FBXL4: variants seen among roughly 807,000 people sequenced by gnomAD.
The protein encoded by FBXL4 is F-box/LRR-repeat protein 4.
FBXL4 carries 40 observed loss-of-function variants against 58.9 expected under a neutral mutation model. The observed-to-expected ratio is 0.68, with a 90% CI of 0.53 to 0.88. The LOEUF is 0.88. Ranked by LOEUF, FBXL4 falls within the 40% of genes least tolerant of loss-of-function variation. The probability of loss-of-function intolerance (pLI) is 0.00; values close to 1 mark genes in which losing one functional copy is unlikely to be tolerated. For missense variants in FBXL4, 676 were observed against 734.4 expected (o/e 0.92, Z 0.92); for synonymous variants, 263 against 265.5 (o/e 0.99, Z 0.09).
In FBXL4 at chr6:98,935,555, C is replaced by T. The variant is rs1324975289; in HGVS notation, c.-308-676G>A. 2.0e-5 allele frequency among the ~76,000 whole-genome samples: 3 copies of T among 150,440 alleles called. No individual in the cohort carries two copies. In the East Asian group the frequency reaches 5.8e-4, roughly 29 times the overall value. Reference sequence around the variant, plus strand: ...CTGTAATCCCAGCACTTTGGGAGGCCGAGGCGGGTGGATCATGAGGTCAGG... The same window carrying T: ...CTGTAATCCCAGCACTTTGGGAGGCTGAGGCGGGTGGATCATGAGGTCAGG... On this transcript the variant is annotated intron_variant, in intron 1 of 9. Coordinates refer to ENST00000369244, the MANE Select transcript of FBXL4 (RefSeq NM_001278716.2).
Position 98,905,391 on chromosome 6 carries a change from G to C in FBXL4, c.1103+35C>G, listed in dbSNP as rs559360649. 2.4e-5 allele frequency: 39 copies of C among 1,604,592 alleles called. No homozygotes were observed. In the East Asian group the frequency reaches 2.5e-4, roughly 10 times the overall value. ...CATAATAAGTATAACCTGCTGCTGG[G>C]GGGGAAAAAAACTTCATCAAGGCTT... On this transcript the variant is annotated intron_variant, in intron 6 of 9. Coordinates refer to ENST00000369244, the MANE Select transcript of FBXL4 (RefSeq NM_001278716.2).
At chr6:98,902,228 T>C (rs1294598800) in intron 6 of FBXL4, among the ~76,000 whole-genome samples, 1 of 152,174 alleles carries the variant, frequency 6.6e-6, no homozygotes, top group Non-Finnish European at 1.5e-5. Context: ...TCTCATGTTT[T>C]TTTAGCTGAC....
At chr6:98,943,321 C>T (rs1344976855) in intron 1 of FBXL4, among the ~76,000 whole-genome samples, 1 of 151,592 alleles carries the variant, frequency 6.6e-6, no homozygotes. Context: ...ACCTGTAACC[C>T]CAGCACGTTG....
At chr6:98,929,848 T>C (rs1394144440) in intron 2 of FBXL4, among the ~76,000 whole-genome samples, 1 of 152,112 alleles carries the variant, frequency 6.6e-6, no homozygotes, top group Admixed American at 6.6e-5. Flanking sequence ...CAAGTAGGCA[T>C]GACATCAACT....
At chr6:98,899,092 T>A in intron 7 of FBXL4, 176 bp downstream of exon 7, 3 of 985,290 alleles carry the variant, frequency 3.0e-6, no homozygotes, top group Non-Finnish European at 3.6e-6. Context: ...TAAAAGCATA[T>A]TAGGTTTGAA....
intron 5 of FBXL4, among the ~76,000 whole-genome samples, chr6:98,915,496 A>G (rs1178080624): frequency 6.6e-6 from 1 of 151,572 alleles, no homozygotes; most frequent in Non-Finnish European, 1.5e-5. Context: ...AACAGAACAG[A>G]GCCCTCAGAA....
At chr6:98,900,793 C>T (rs937368483) in intron 6 of FBXL4, among the ~76,000 whole-genome samples, 1 of 152,142 alleles carries the variant, frequency 6.6e-6, no homozygotes, top group Non-Finnish European at 1.5e-5. Context: ...CGTGAACACC[C>T]GTTTATTCTA....
chr6:98,907,534 T>C (rs1347649568), intron 5 of FBXL4, among the ~76,000 whole-genome samples: 2 of 152,222 alleles, frequency 1.3e-5, no homozygotes, highest in African/African-American at 2.4e-5. Context: ...CTTCTTGAAC[T>C]AGTCCAAGGT....
chr6:98,922,900 G>A (rs957224504), intron 4 of FBXL4, among the ~76,000 whole-genome samples: 1 of 152,072 alleles, frequency 6.6e-6, no homozygotes, highest in African/African-American at 2.4e-5. Context: ...TTTTTATGAT[G>A]ATTATTATGT....
At chr6:98,901,483 T>C (rs995372652) in intron 6 of FBXL4, among the ~76,000 whole-genome samples, 6 of 152,114 alleles carry the variant, frequency 3.9e-5, no homozygotes, top group African/African-American at 1.2e-4. Flanking sequence ...TAGGAGACAA[T>C]AGGAAACTTC....
At chr6:98,886,694 G>A (rs1771050895) in intron 7 of FBXL4, among the ~76,000 whole-genome samples, 1 of 152,214 alleles carries the variant, frequency 6.6e-6, no homozygotes, top group Non-Finnish European at 1.5e-5. Context: ...CTGCTCTGCA[G>A]TGGCACTGCG....
chr6:98,917,697 T>C lies in FBXL4; in HGVS notation c.535A>G (p.Arg179Gly), dbSNP rs1330363712. The C allele has an allele frequency of 6.2e-7, 1 of 1,601,964 alleles. No individual in the cohort carries two copies. The highest frequency in any genetic ancestry group is 8.5e-7 in the Non-Finnish European group (1 of 1,175,486). ...TGGGAAGCATTCACCTTCGTAGGTCTCTCTGACCAAAGAATCTCCCATCTG... is the reference window on the plus strand; with the variant it reads ...TGGGAAGCATTCACCTTCGTAGGTCCCTCTGACCAAAGAATCTCCCATCTG... ...EVRWEILWSE[R>G]PTKVNASQAR... is the part of the protein sequence containing the mutation. The change falls in exon 5 of 10, where the codon AGA becomes GGA. Residue 179 changes from arginine to glycine, a missense_variant. Physicochemically the swap from Arg to Gly is moderately radical, Grantham distance 125. Coordinates refer to ENST00000369244, the MANE Select transcript of FBXL4 (RefSeq NM_001278716.2).
intron 2 of FBXL4, among the ~76,000 whole-genome samples, chr6:98,929,902 G>A (rs981633611): frequency 1.3e-5 from 2 of 152,170 alleles, no homozygotes; most frequent in Non-Finnish European, 1.5e-5. Context: ...AGAACCATAT[G>A]AGGCATGAAC....
At chr6:98,925,260 C>A (rs947690724) in intron 4 of FBXL4, among the ~76,000 whole-genome samples, 1 of 152,072 alleles carries the variant, frequency 6.6e-6, no homozygotes, top group Admixed American at 6.5e-5. Flanking sequence ...ACTCTGTAGG[C>A]GAGGCTTTGG....
In FBXL4 at chr6:98,868,655, GACA is replaced by G. The variant is rs1310035218; in HGVS notation, c.*5620_*5622del. On this transcript the variant is annotated 3_prime_UTR_variant, in exon 10 of 10. Coordinates refer to ENST00000369244, the MANE Select transcript of FBXL4 (RefSeq NM_001278716.2). ...TTAAAATATCTCAGTCGTCTGTACA[GACA>G]ACTTCATTTGTAACAGAGACTTGTT... 2.0e-5 allele frequency: 3 copies of G among 152,134 alleles called. No individual in the cohort carries two copies. The South Asian group carries it at 6.2e-4, about 32-fold the overall frequency. 9.4% of individuals were successfully genotyped at this position (152,134 alleles called of 1,614,324 possible).
chr6:98,900,970 ACATT>A (rs1460032505), intron 6 of FBXL4, among the ~76,000 whole-genome samples: 1 of 152,172 alleles, frequency 6.6e-6, no homozygotes, highest in African/African-American at 2.4e-5. Context: ...TACATGAAGC[ACATT>A]CATTCATTCA....
At chr6:98,875,216 A>C (rs1770613495) in intron 9 of FBXL4, 199 bp downstream of exon 9, 3 of 599,090 alleles carry the variant, frequency 5.0e-6, no homozygotes, top group Admixed American at 3.0e-5. Flanking sequence ...TATTGTCCTC[A>C]CTATTTTATT....
chr6:98,894,454 G>A (rs1247926728), intron 7 of FBXL4, among the ~76,000 whole-genome samples: 1 of 151,990 alleles, frequency 6.6e-6, no homozygotes, highest in Non-Finnish European at 1.5e-5. Flanking sequence ...AAATTCAGGA[G>A]GAAAAAAAAT....
At chr6:98,945,511 C>T in intron 1 of FBXL4, among the ~76,000 whole-genome samples, 1 of 152,178 alleles carries the variant, frequency 6.6e-6, no homozygotes, top group East Asian at 1.9e-4. Context: ...GGGCACACAG[C>T]ACTTTCACTT....
Sources: gnomAD v4.1 joint callset for allele counts (sites outside exome capture counted in the v4.1 genomes callset) on GRCh38, gnomAD v4.1.1 for gene constraint, MANE v1.5 for transcripts, NCBI Gene and HGNC (gene_info 2026-07-23, HGNC 2026-07-21) for gene names.